CHIT1: variants seen among roughly 807,000 people sequenced by gnomAD.
CHIT1 encodes the protein chitinase 1, also known as chitotriosidase-1.
In CHIT1, 47 loss-of-function variants were observed where a neutral mutation model predicts 52.0. That is an observed-to-expected ratio of 0.90 (90% CI 0.71 to 1.15). CHIT1 has a LOEUF of 1.15. CHIT1 is among the 50% of genes most tolerant of loss of function. CHIT1 has a pLI of 0.00. For synonymous variants in CHIT1, 242 were observed against 228.2 expected (o/e 1.06, Z -0.54); for missense variants, 569 against 583.0 (o/e 0.98, Z 0.25).
intron 7 of CHIT1, among the ~76,000 whole-genome samples, chr1:203,220,395 T>C (rs1364322629): frequency 2.6e-5 from 4 of 152,190 alleles, no homozygotes; most frequent in Non-Finnish European, 5.9e-5. Context: ...AAGCAGGGAA[T>C]TGGGTCTGCT....
chr1:203,229,932 A>T (rs1341927646), upstream of CHIT1: 2 of 467,850 alleles, frequency 4.3e-6, no homozygotes, highest in Admixed American at 6.4e-5. Context: ...GATGAGCATG[A>T]CCCTGACTTT....
rs2102242437 is a variant in CHIT1, at chr1:203,225,831, G to A, written c.95C>T (p.Ala32Val). ...AKLVCYFTNW[A>V]QYRQGEARFL... ...GCGAGCCTCCCCCTGTCTGTACTGG[G>A]CCCAGTTGGTGAAGTAGCAGACCAG... The change falls in exon 3 of 11, where the codon GCC (alanine) becomes GTC (valine). Residue 32 changes from alanine to valine, a missense_variant. Transcript: ENST00000367229. 3.7e-6 allele frequency: 6 copies of A among 1,614,176 alleles called. No individual in the cohort carries two copies. Among genetic ancestry groups the A allele is most frequent in the Non-Finnish European group, 5.1e-6 (6 of 1,180,042 alleles).
Position 203,223,698 on chromosome 1 carries a change from A to G in CHIT1, c.315-38T>C, listed in dbSNP as rs766621876. On this transcript the variant is annotated intron_variant, in intron 4 of 10. Transcript: ENST00000367229. ...GAAGGGGAGTAAGGGCCGGCCTTGGACCAGACAGGAGGCCACTCTTACTCA... is the reference window on the plus strand; with the variant it reads ...GAAGGGGAGTAAGGGCCGGCCTTGGGCCAGACAGGAGGCCACTCTTACTCA... 4 of 1,608,390 alleles carry G rather than the reference A, an allele frequency of 2.5e-6. 1 individual carries two copies.
rs1190495343 is a variant in CHIT1, at chr1:203,217,023, T to C, written c.1267A>G (p.Lys423Glu). The C allele has an allele frequency of 6.2e-7, 1 of 1,614,184 alleles. No individual in the cohort carries two copies. Among genetic ancestry groups the C allele is most frequent in the African/African-American group, 1.3e-5 (1 of 75,062 alleles). ...SPGQDTFCQG[K>E]ADGLYPNPRE... ...GGATTGGGATAGAGCCCATCAGCTTTGCCCTGGCAGAACGTGTCTTGTCCA... is the reference window on the plus strand; with the variant it reads ...GGATTGGGATAGAGCCCATCAGCTTCGCCCTGGCAGAACGTGTCTTGTCCA... Residue 423 changes from lysine (K) to glutamate (E), a missense_variant, in exon 11 of 11, where the codon AAA becomes GAA. Physicochemically the swap from Lys to Glu is moderately conservative, Grantham distance 56 (BLOSUM62 1). Coordinates refer to ENST00000367229, the MANE Select transcript of CHIT1 (RefSeq NM_003465.3).
Position 203,223,398 on chromosome 1 carries a change from G to C in CHIT1, c.480+97C>G, listed in dbSNP as rs1656811015. The stretch of plus-strand genomic sequence containing the variant: ...CTGTGCCATGCAGATACGTGAAGCA[G>C]CTGGCTCTGGGGGCAGAGCAGCCCC... On this transcript the variant is annotated intron_variant, in intron 5 of 10. Coordinates refer to ENST00000367229, the MANE Select transcript of CHIT1 (RefSeq NM_003465.3). The C allele has an allele frequency of 3.1e-6, 5 of 1,597,522 alleles. No homozygotes were observed. In the South Asian group the frequency reaches 3.3e-5, roughly 11 times the overall value.
chr1:203,218,168 T>A (rs1354537025), intron 9 of CHIT1: 5 of 1,315,890 alleles, frequency 3.8e-6, no homozygotes, highest in Non-Finnish European at 3.0e-6. Context: ...CTTCACCGCT[T>A]GGTCATGTGT....
chr1:203,216,252 T>C lies in CHIT1; in HGVS notation c.*637A>G, dbSNP rs1656520143. The stretch of plus-strand genomic sequence containing the variant: ...TGGTGAACGGGGGCAGTAGGTGAGA[T>C]AGGGCCTGCAAAGGGCCCAAACAGG... On this transcript the variant is annotated 3_prime_UTR_variant, in exon 11 of 11. Transcript: ENST00000367229. 4.4e-6 allele frequency: 2 copies of C among 454,090 alleles called. No individual in the cohort carries two copies. The highest frequency in any genetic ancestry group is 2.0e-5 in the African/African-American group (1 of 50,120). The allele number at this position is 454,090 out of a possible 1,614,324, so 28.1% of individuals were successfully genotyped here. A position where few individuals can be genotyped will look rare whatever the true frequency, so the allele number is the denominator to read the frequency against.
At chr1:203,219,095 T>C (rs1656638533) in intron 9 of CHIT1, 121 bp downstream of exon 9, 2 of 753,654 alleles carry the variant, frequency 2.7e-6, no homozygotes, top group Admixed American at 1.8e-5. Flanking sequence ...CGTGGAGATT[T>C]ATGAAATGTT....
intron 6 of CHIT1, among the ~76,000 whole-genome samples, 153 bp from the exon 7 acceptor site, chr1:203,222,478 A>G (rs1386324508): frequency 6.6e-6 from 1 of 152,152 alleles, no homozygotes; most frequent in East Asian, 1.9e-4. Flanking sequence ...GCAGAAGGTG[A>G]CCCAGACAGC....
rs1339710718 is a variant in CHIT1, at chr1:203,223,234, T to C, written c.506A>G (p.Glu169Gly). ...GCGTTCCTTCCCTGAGGTCTGGGCTTCCTGCTGGAAGGCATTGGCCAAGTC... is the reference window on the plus strand; with the variant it reads ...GCGTTCCTTCCCTGAGGTCTGGGCTCCCTGCTGGAAGGCATTGGCCAAGTC... ...VQDLANAFQQ[E>G]AQTSGKERLL... Residue 169 changes from glutamate (E) to glycine (G), a missense_variant, in exon 6 of 11, where the codon GAA (glutamate) becomes GGA (glycine). Coordinates refer to ENST00000367229, the MANE Select transcript of CHIT1 (RefSeq NM_003465.3). 1 of 1,614,084 alleles carries C rather than the reference T, an allele frequency of 6.2e-7. No homozygotes were observed. Among genetic ancestry groups the C allele is most frequent in the Non-Finnish European group, 8.5e-7 (1 of 1,180,042 alleles).
intron 4 of CHIT1, among the ~76,000 whole-genome samples, chr1:203,224,453 C>A (rs888381150): frequency 6.6e-6 from 1 of 152,106 alleles, no homozygotes; most frequent in African/African-American, 2.4e-5. Flanking sequence ...TCATCAGATT[C>A]CCAAAAGGGT....
intron 7 of CHIT1, 117 bp from the exon 8 acceptor site, chr1:203,219,966 G>T: frequency 1.6e-6 from 2 of 1,277,536 alleles, no homozygotes; most frequent in East Asian, 5.0e-5. Flanking sequence ...GGAGCTCTAC[G>T]GGCCTTTGTT....
In CHIT1 at chr1:203,216,488, C is replaced by A. The variant is rs1185139181; in HGVS notation, c.*401G>T. On this transcript the variant is annotated 3_prime_UTR_variant, in exon 11 of 11. Transcript: ENST00000367229. ...AGAACGTGTTGCACTTGGGGCCGCG[C>A]TCTGGCTGCCATCACCTGTGTACTG... The A allele has an allele frequency of 6.5e-6, 3 of 458,670 alleles. No individual in the cohort carries two copies. Among genetic ancestry groups the A allele is most frequent in the Admixed American group, 4.7e-5 (2 of 42,670 alleles). 28.4% of individuals were successfully genotyped at this position (458,670 alleles called of 1,614,324 possible).
rs866822467 is a variant in CHIT1 at position 203,229,411 on chromosome 1, G to A, written c.25+201C>T. Among the ~76,000 whole-genome samples, 3 of 152,140 alleles carry A rather than the reference G, an allele frequency of 2.0e-5. No individual in the cohort carries two copies. The South Asian group carries it at 6.2e-4, about 32-fold the overall frequency. On this transcript the variant is annotated intron_variant, in intron 1 of 10. Transcript: ENST00000367229. The stretch of plus-strand genomic sequence containing the variant: ...TCCCTTGCAACATGAAGTCTCTTGG[G>A]CTGAAAGAGCCTAAGGGGGAGCCCA...
intron 9 of CHIT1, among the ~76,000 whole-genome samples, chr1:203,218,452 C>A (rs1656618152): frequency 6.6e-6 from 1 of 152,136 alleles, no homozygotes; most frequent in Non-Finnish European, 1.5e-5. Flanking sequence ...CTGGCCCCAG[C>A]CTCCCTTTCA....
At chr1:203,218,164 C>G (rs116602841) in intron 9 of CHIT1, 3 of 1,355,934 alleles carry the variant, frequency 2.2e-6, no homozygotes, top group Non-Finnish European at 2.9e-6. Flanking sequence ...AACCCTTCAC[C>G]GCTTGGTCAT....
rs141439082 is a variant in CHIT1, at chr1:203,222,061, G to A, written c.729+141C>T. ...GGACCAGGAAAATAGAACAAAACAA[G>A]CAAGCAAAGAAACAAAAAAGCTTCT... On this transcript the variant is annotated intron_variant, in intron 7 of 10. Transcript: ENST00000367229. 1,088 of 1,239,376 alleles carry A rather than the reference G, an allele frequency of 8.8e-4. 13 individuals carry two copies. In the East Asian group the frequency reaches 0.024, roughly 27 times the overall value. The allele number at this position is 1,239,376 out of a possible 1,614,324, so 76.8% of individuals were successfully genotyped here. A position where few individuals can be genotyped will look rare whatever the true frequency, so the allele number is the denominator to read the frequency against.
At chr1:203,225,579 C>T (rs1656896423) in intron 3 of CHIT1, 90 bp downstream of exon 3, 2 of 1,327,528 alleles carry the variant, frequency 1.5e-6, no homozygotes, top group African/African-American at 1.4e-5. Flanking sequence ...TGTGGCAGGA[C>T]CTTAGTGCTG....
chr1:203,226,936 T>C (rs1393069743), intron 2 of CHIT1, among the ~76,000 whole-genome samples: 3 of 152,196 alleles, frequency 2.0e-5, no homozygotes, highest in African/African-American at 4.8e-5. Flanking sequence ...CAATCTATGA[T>C]GGTGTGGTTT....
Sources: gnomAD v4.1 joint callset for allele counts (sites outside exome capture counted in the v4.1 genomes callset) on GRCh38, gnomAD v4.1.1 for gene constraint, MANE v1.5 for transcripts, NCBI Gene and HGNC (gene_info 2026-07-23, HGNC 2026-07-21) for gene names.